Variants in ARSB observed in about 807,000 individuals in gnomAD.
ARSB encodes arylsulfatase B.
ARSB carries 41 observed loss-of-function variants against 50.9 expected under a neutral mutation model. The observed-to-expected ratio is 0.81, with a 90% confidence interval of 0.63 to 1.04. ARSB has a LOEUF of 1.04. Ranked by LOEUF, ARSB falls within the 50% of genes least tolerant of loss-of-function variation. The pLI is 0.00. For missense variants in ARSB, 672 were observed against 693.3 expected, an observed-to-expected ratio of 0.97 and a Z score of 0.35; for synonymous variants, 269 against 284.8, an observed-to-expected ratio of 0.94 and a Z score of 0.56.
chr5:78,960,667 C>A (rs572757535), intron 3 of ARSB, among the ~76,000 whole-genome samples: 9 of 152,120 alleles, frequency 5.9e-5, no homozygotes. Flanking sequence ...CGGGTTCAAG[C>A]GATTCTCCTG....
intron 5 of ARSB, among the ~76,000 whole-genome samples, chr5:78,882,501 C>G (rs6874580): frequency 0.29 from 44,644 of 151,966 alleles, 7,104 homozygotes; most frequent in Middle Eastern, 0.42. Flanking sequence ...TGTAGACAAA[C>G]AGTTCATGTA....
chr5:78,971,076 AC>A (rs1752435003), intron 1 of ARSB, among the ~76,000 whole-genome samples: 1 of 152,212 alleles, frequency 6.6e-6, no homozygotes, highest in Non-Finnish European at 1.5e-5. Flanking sequence ...AGCAATCCAG[AC>A]CTAAGGAATA....
At chr5:78,793,669 T>C (rs1206734691) in intron 6 of ARSB, among the ~76,000 whole-genome samples, 1 of 152,142 alleles carries the variant, frequency 6.6e-6, no homozygotes, top group African/African-American at 2.4e-5. Flanking sequence ...CAAATACTTC[T>C]TGAACTAGTC....
Position 78,780,500 on chromosome 5 carries a change from G to A in ARSB, c.1499C>T (p.Ser500Phe), listed in dbSNP as rs1167396422. 1.2e-6 allele frequency: 2 copies of A among 1,614,168 alleles called. No individual in the cohort carries two copies. The highest frequency in any genetic ancestry group is 4.5e-5 in the East Asian group (2 of 44,878). The change falls in exon 8 of 8, where the codon TCC becomes TTC. Residue 500 changes from serine to phenylalanine, a missense_variant. Coordinates refer to ENST00000264914, the MANE Select transcript of ARSB (RefSeq NM_000046.5). ...GTGTTTATGGTAGAACTGTAGGCGG[G>A]ACAGGAGCTTTGTGACGATGTGAGG... ...EYPHIVTKLL[S>F]RLQFYHKHSV...
chr5:78,943,512 T>C (rs150722507), intron 4 of ARSB, among the ~76,000 whole-genome samples: 1 of 152,104 alleles, frequency 6.6e-6, no homozygotes, highest in Non-Finnish European at 1.5e-5. Context: ...GTCTGTAAAG[T>C]ATTTTATTTC....
intron 5 of ARSB, among the ~76,000 whole-genome samples, chr5:78,873,342 T>C (rs1038110287): frequency 6.6e-6 from 1 of 151,420 alleles, no homozygotes; most frequent in Non-Finnish European, 1.5e-5. Flanking sequence ...AGAGAAAGGA[T>C]AATTAATTCA....
intron 4 of ARSB, among the ~76,000 whole-genome samples, chr5:78,916,087 A>G (rs1336524407): frequency 2.0e-5 from 3 of 152,230 alleles, no homozygotes; most frequent in Non-Finnish European, 4.4e-5. Context: ...GATGAATATA[A>G]TGTGGTAAGC....
intron 4 of ARSB, among the ~76,000 whole-genome samples, chr5:78,912,716 T>C (rs1356237316): frequency 2.0e-5 from 3 of 152,320 alleles, no homozygotes; most frequent in Middle Eastern, 3.4e-3. Context: ...TTTGAGCTCA[T>C]AATATGAAAT....
rs1419446412 is a variant in ARSB, at chr5:78,939,457, G to A, written c.898+15838C>T. 4.6e-5 allele frequency among the ~76,000 whole-genome samples: 7 copies of A among 151,646 alleles called. 1 individual carries two copies. In the South Asian group the frequency reaches 8.4e-4, roughly 18 times the overall value. On this transcript the variant is annotated intron_variant, in intron 4 of 7. Coordinates refer to ENST00000264914, the MANE Select transcript of ARSB (RefSeq NM_000046.5). Reference sequence around the variant, plus strand: ...TTCCCCCGACCCCACAACAGGCCCCGGTGTGTGATGTTTCCCTTCCTGTGT... The same window carrying A: ...TTCCCCCGACCCCACAACAGGCCCCAGTGTGTGATGTTTCCCTTCCTGTGT...
intron 6 of ARSB, among the ~76,000 whole-genome samples, chr5:78,801,572 T>C (rs941871911): frequency 6.6e-6 from 1 of 152,160 alleles, no homozygotes; most frequent in Non-Finnish European, 1.5e-5. Flanking sequence ...CTCAGCACGC[T>C]AGGAATAAAA....
chr5:78,947,717 A>G (rs1751308449), intron 4 of ARSB, among the ~76,000 whole-genome samples: 1 of 152,222 alleles, frequency 6.6e-6, no homozygotes, highest in Non-Finnish European at 1.5e-5. Flanking sequence ...TATGGAGAAC[A>G]GTTTGGAGGT....
chr5:78,895,699 G>A (rs896393348), intron 4 of ARSB, among the ~76,000 whole-genome samples: 7 of 152,208 alleles, frequency 4.6e-5, no homozygotes, highest in African/African-American at 7.2e-5. Flanking sequence ...CAAATATTAA[G>A]TAACAGCTTT....
chr5:78,954,186 G>A (rs1384564246), intron 4 of ARSB, among the ~76,000 whole-genome samples: 1 of 151,986 alleles, frequency 6.6e-6, no homozygotes, highest in African/African-American at 2.4e-5. Flanking sequence ...AGGGGAAGGT[G>A]GGACGGAGGG....
chr5:78,901,923 T>C (rs1351775678), intron 4 of ARSB, among the ~76,000 whole-genome samples: 1 of 152,248 alleles, frequency 6.6e-6, no homozygotes, highest in African/African-American at 2.4e-5. Flanking sequence ...CATAAATTGC[T>C]GGTGGGAGTG....
At chr5:78,853,506 G>C (rs1424028919) in intron 5 of ARSB, among the ~76,000 whole-genome samples, 8 of 152,228 alleles carry the variant, frequency 5.3e-5, no homozygotes, top group African/African-American at 1.9e-4. Flanking sequence ...GGGGTTCAGG[G>C]ATCAGGGACC....
chr5:78,962,246 A>C (rs916494460), intron 3 of ARSB, among the ~76,000 whole-genome samples: 5 of 152,238 alleles, frequency 3.3e-5, no homozygotes, highest in Admixed American at 3.3e-4. Context: ...TACCTTGTTA[A>C]GTGTTAAGGT....
intron 6 of ARSB, among the ~76,000 whole-genome samples, chr5:78,804,936 C>G (rs1353734944): frequency 1.3e-5 from 2 of 152,232 alleles, no homozygotes; most frequent in Non-Finnish European, 2.9e-5. Context: ...ACACATAGCA[C>G]TTTGCTCAGA....
intron 4 of ARSB, 55 bp downstream of exon 4, chr5:78,955,240 C>A: frequency 6.3e-7 from 1 of 1,578,934 alleles, no homozygotes; most frequent in South Asian, 1.1e-5. Flanking sequence ...TTCCACTTAT[C>A]AAATACCATG....
chr5:78,920,927 C>T (rs1749783539), intron 4 of ARSB, among the ~76,000 whole-genome samples: 1 of 152,104 alleles, frequency 6.6e-6, no homozygotes, highest in Admixed American at 6.6e-5. Flanking sequence ...GACTATACTA[C>T]TTGATTACAG....
Sources: gnomAD v4.1 joint callset for allele counts (sites outside exome capture counted in the v4.1 genomes callset) on GRCh38, gnomAD v4.1.1 for gene constraint, MANE v1.5 for transcripts, NCBI Gene and HGNC (gene_info 2026-07-23, HGNC 2026-07-21) for gene names.